The following STPG2 variants were observed in gnomAD, a reference collection of about 807,000 sequenced individuals.
STPG2 encodes sperm tail PG-rich repeat containing 2, also known as sperm-tail PG-rich repeat-containing protein 2.
A neutral mutation model predicts 54.2 loss-of-function variants in STPG2; 56 were observed. That is an observed-to-expected ratio of 1.03 (90% CI 0.83 to 1.29). The LOEUF (loss-of-function observed/expected upper bound fraction) is 1.29, where lower values mean the gene tolerates loss of function less well. Among genes scored for constraint, STPG2 ranks in the 50% most tolerant of loss-of-function variants. The probability of loss-of-function intolerance (pLI) is 0.00; values close to 1 mark genes in which losing one functional copy is unlikely to be tolerated. For synonymous variants in STPG2, 200 were observed against 181.8 expected (o/e 1.10, Z -0.81); for missense variants, 596 against 544.9 (o/e 1.09, Z -0.93).
intron 9 of STPG2, among the ~76,000 whole-genome samples, chr4:97,773,994 G>GGTGTGTGTGTGTGT (rs34968031): frequency 1.8e-4 from 26 of 147,350 alleles, no homozygotes; most frequent in African/African-American, 2.8e-4. Flanking sequence ...TAAAATATAG[G>GGTGTGTGTGTGTGT]GTGTGTGTGT....
At chr4:97,547,889 G>A (rs1026694424) in intron 4 of STPG2, among the ~76,000 whole-genome samples, 2 of 152,134 alleles carry the variant, frequency 1.3e-5, no homozygotes, top group African/African-American at 4.8e-5. Context: ...GGTCGCTCAT[G>A]CCTGTAATCC....
At chr4:98,017,689 G>A (rs568039448) in intron 5 of STPG2, among the ~76,000 whole-genome samples, 1 of 152,314 alleles carries the variant, frequency 6.6e-6, no homozygotes, top group East Asian at 1.9e-4. Flanking sequence ...CTGTGAAGGT[G>A]ATATGGTTTG....
chr4:98,056,066 G>A (rs1737472603), intron 5 of STPG2, among the ~76,000 whole-genome samples: 1 of 152,084 alleles, frequency 6.6e-6, no homozygotes, highest in Non-Finnish European at 1.5e-5. Context: ...GGCAGGTTTT[G>A]TTTTACTTGC....
intron 5 of STPG2, among the ~76,000 whole-genome samples, chr4:98,105,372 C>G (rs1469894423): frequency 6.6e-6 from 1 of 152,068 alleles, no homozygotes; most frequent in African/African-American, 2.4e-5. Context: ...GCTGCAAGGA[C>G]CCTGCAAGGA....
chr4:97,883,309 G>C (rs1008837165), intron 8 of STPG2, among the ~76,000 whole-genome samples: 1 of 151,654 alleles, frequency 6.6e-6, no homozygotes, highest in Non-Finnish European at 1.5e-5. Context: ...GATTGCTTGA[G>C]CCTGAGAGAT....
intron 10 of STPG2, among the ~76,000 whole-genome samples, chr4:97,597,295 C>T (rs1304740457): frequency 6.6e-6 from 1 of 152,006 alleles, no homozygotes; most frequent in Non-Finnish European, 1.5e-5. Flanking sequence ...AAGCCCACAA[C>T]CAGATGGATT....
Position 97,906,179 on chromosome 4 carries a change from G to A in STPG2, c.1044+37718C>T, listed in dbSNP as rs1203006927. 2.6e-5 allele frequency among the ~76,000 whole-genome samples: 4 copies of A among 151,958 alleles called. No individual in the cohort carries two copies. The East Asian group carries it at 5.8e-4, about 22-fold the overall frequency. On this transcript the variant is annotated intron_variant, in intron 8 of 10. Transcript: ENST00000295268. ...ATAGATGCAATAAAAAATGATAAAGGGGATATCACCACCGATCCCACAGAA... is the reference window on the plus strand; with the variant it reads ...ATAGATGCAATAAAAAATGATAAAGAGGATATCACCACCGATCCCACAGAA...
intron 4 of STPG2, among the ~76,000 whole-genome samples, chr4:97,493,156 A>G (rs1328638198): frequency 1.3e-5 from 2 of 151,082 alleles, no homozygotes; most frequent in Non-Finnish European, 3.0e-5. Flanking sequence ...TAGAAAGAGT[A>G]AAACGTCGGT....
intron 9 of STPG2, among the ~76,000 whole-genome samples, chr4:97,804,598 A>G (rs755526840): frequency 4.6e-5 from 7 of 152,186 alleles, no homozygotes; most frequent in Non-Finnish European, 8.8e-5. Flanking sequence ...TTGAAAATTT[A>G]TGGAGTAGAA....
At chr4:97,459,635 G>A (rs985777024) in intron 4 of STPG2, among the ~76,000 whole-genome samples, 2 of 151,894 alleles carry the variant, frequency 1.3e-5, no homozygotes, top group Non-Finnish European at 2.9e-5. Context: ...TAGAGACAGG[G>A]TTTCACCATG....
At chr4:97,499,012 G>GT (rs946167902) in intron 4 of STPG2, among the ~76,000 whole-genome samples, 1 of 151,880 alleles carries the variant, frequency 6.6e-6, no homozygotes, top group Non-Finnish European at 1.5e-5. Flanking sequence ...CAAAAATCCT[G>GT]TAAATTCTCA....
chr4:97,639,742 T>G (rs756675610), intron 10 of STPG2, among the ~76,000 whole-genome samples: 19 of 152,010 alleles, frequency 1.2e-4, no homozygotes, highest in Non-Finnish European at 2.6e-4. Context: ...AAACATGCGT[T>G]TAGTGATTAT....
chr4:97,947,940 C>A (rs1733302085), intron 7 of STPG2, among the ~76,000 whole-genome samples: 1 of 151,868 alleles, frequency 6.6e-6, no homozygotes, highest in Non-Finnish European at 1.5e-5. Context: ...GGGAGGATTC[C>A]TTCTTTCTCA....
chr4:97,526,347 G>C (rs1731279927), intron 4 of STPG2, among the ~76,000 whole-genome samples: 1 of 151,972 alleles, frequency 6.6e-6, no homozygotes, highest in South Asian at 2.1e-4. Flanking sequence ...TTAATCAACA[G>C]AGGTAACATT....
chr4:97,763,879 A>T (rs1250587921), intron 9 of STPG2, among the ~76,000 whole-genome samples: 5 of 152,182 alleles, frequency 3.3e-5, no homozygotes, highest in Non-Finnish European at 7.3e-5. Context: ...AATATCAGCC[A>T]CATTTTTATT....
At chr4:97,895,117 T>C (rs1297798846) in intron 8 of STPG2, among the ~76,000 whole-genome samples, 2 of 151,768 alleles carry the variant, frequency 1.3e-5, no homozygotes, top group Admixed American at 6.6e-5. Flanking sequence ...TCAATCTAGA[T>C]ATAGGGCCAA....
chr4:97,762,202 T>C (rs1725909625), intron 9 of STPG2, among the ~76,000 whole-genome samples: 1 of 152,202 alleles, frequency 6.6e-6, no homozygotes, highest in African/African-American at 2.4e-5. Context: ...GAAATATATA[T>C]TTCCAAAGAT....
At chr4:97,853,835 G>A (rs1729246084) in intron 8 of STPG2, among the ~76,000 whole-genome samples, 1 of 152,028 alleles carries the variant, frequency 6.6e-6, no homozygotes, top group African/African-American at 2.4e-5. Flanking sequence ...AGGCTGGAGT[G>A]CAGTGACATG....
chr4:98,017,144 T>C (rs369750236), intron 5 of STPG2, among the ~76,000 whole-genome samples: 2 of 152,332 alleles, frequency 1.3e-5, no homozygotes, highest in African/African-American at 4.8e-5. Flanking sequence ...GCCAGACTGG[T>C]ACCTCAGTCT....
Sources: allele counts gnomAD v4.1 joint callset (sites outside exome capture counted in the v4.1 genomes callset), GRCh38; gene constraint gnomAD v4.1.1; transcripts MANE v1.5; gene names NCBI Gene and HGNC (gene_info 2026-07-23, HGNC 2026-07-21).